The following RPGRIP1L variants were observed in gnomAD, a reference collection of about 807,000 sequenced individuals.
RPGRIP1L encodes the protein protein fantom.
A neutral mutation model predicts 160.4 loss-of-function variants in RPGRIP1L; 131 were observed. The observed-to-expected ratio is 0.82, with a 90% CI of 0.71 to 0.94. The LOEUF (loss-of-function observed/expected upper bound fraction) is 0.94, where lower values mean the gene tolerates loss of function less well. Among genes scored for constraint, RPGRIP1L ranks in the 40% least tolerant of loss-of-function variants. RPGRIP1L has a pLI of 0.00. For synonymous variants in RPGRIP1L, 510 were observed against 515.8 expected, an observed-to-expected ratio of 0.99 and a Z score of 0.15; for missense variants, 1,522 against 1,535.8, an observed-to-expected ratio of 0.99 and a Z score of 0.15.
At chr16:53,659,831 G>A (rs1319365934) in intron 10 of RPGRIP1L, 2 of 152,342 alleles carry the variant, frequency 1.3e-5, no homozygotes, top group Non-Finnish European at 2.9e-5. Context: ...AGTGAGCCAT[G>A]ATTGTGCCAC....
chr16:53,678,446 C>G (rs1202570419), intron 6 of RPGRIP1L, among the ~76,000 whole-genome samples: 1 of 152,130 alleles, frequency 6.6e-6, no homozygotes, highest in Non-Finnish European at 1.5e-5. Context: ...GAAGTAAAAA[C>G]TTTCAGCGGA....
intron 6 of RPGRIP1L, among the ~76,000 whole-genome samples, chr16:53,682,678 T>G (rs375450530): frequency 4.1e-4 from 62 of 152,312 alleles, no homozygotes; most frequent in South Asian, 2.5e-3. Flanking sequence ...TATGAATTTT[T>G]ATATTCAGAC....
At chr16:53,651,149 T>C (rs1047247026) in intron 15 of RPGRIP1L, among the ~76,000 whole-genome samples, 2 of 152,194 alleles carry the variant, frequency 1.3e-5, no homozygotes, top group Non-Finnish European at 2.9e-5. Flanking sequence ...CTTTCCCAGT[T>C]TTCCCTATCT....
chr16:53,686,075 T>A (rs927495211), intron 6 of RPGRIP1L, among the ~76,000 whole-genome samples: 7 of 152,202 alleles, frequency 4.6e-5, no homozygotes, highest in African/African-American at 1.7e-4. Context: ...GCTGGACTTA[T>A]GTACAAGATA....
intron 24 of RPGRIP1L, among the ~76,000 whole-genome samples, chr16:53,615,070 C>T (rs1006677176): frequency 6.6e-6 from 1 of 152,122 alleles, no homozygotes; most frequent in Non-Finnish European, 1.5e-5. Flanking sequence ...CTTATCTTTG[C>T]CAAATTTCTC....
At position 53,599,560 on chromosome 16, in the gene RPGRIP1L, C is replaced by T. The variant is rs942579563; in HGVS notation, c.*2516G>A. 4 of 152,212 alleles carry T rather than the reference C, an allele frequency of 2.6e-5. No individual in the cohort carries two copies. The highest frequency in any genetic ancestry group is 5.9e-5 in the Non-Finnish European group (4 of 68,042). 9.4% of individuals were successfully genotyped at this position (152,212 alleles called of 1,614,324 possible). ...ACAGCCCAAAAAAGTGCTGCGTGCA[C>T]TGGTCTAGTTACACCAAGAAGTGTA... On this transcript the variant is annotated 3_prime_UTR_variant, in exon 27 of 27. Transcript: ENST00000647211.
At chr16:53,688,240 AG>A (rs1431592413) in intron 4 of RPGRIP1L, among the ~76,000 whole-genome samples, 1 of 152,086 alleles carries the variant, frequency 6.6e-6, no homozygotes, top group East Asian at 1.9e-4. Flanking sequence ...CTTAAGATTT[AG>A]ACTCCTGCAG....
intron 12 of RPGRIP1L, 84 bp from the exon 13 acceptor site, chr16:53,657,716 A>G (rs1967387199): frequency 1.3e-6 from 1 of 762,708 alleles, no homozygotes; most frequent in East Asian, 2.7e-5. Context: ...ATCAATAAAT[A>G]ATTCATTGAT....
At chr16:53,695,725 T>G in intron 3 of RPGRIP1L, 1 of 383,404 alleles carries the variant, frequency 2.6e-6, no homozygotes, top group East Asian at 4.9e-5. Context: ...TTCCAGAGAC[T>G]GAAGTGATGT....
intron 9 of RPGRIP1L, among the ~76,000 whole-genome samples, chr16:53,666,941 T>C (rs1567858662): frequency 6.6e-6 from 1 of 152,154 alleles, no homozygotes; most frequent in African/African-American, 2.4e-5. Context: ...CACTGGAGTT[T>C]CATGAGAAAT....
intron 4 of RPGRIP1L, among the ~76,000 whole-genome samples, chr16:53,691,518 T>G (rs769321452): frequency 1.3e-5 from 2 of 152,166 alleles, no homozygotes; most frequent in African/African-American, 2.4e-5. Context: ...TTACTTTACA[T>G]GTAAAGAAAA....
At chr16:53,671,243 G>C (rs1350621894) in intron 9 of RPGRIP1L, among the ~76,000 whole-genome samples, 1 of 152,074 alleles carries the variant, frequency 6.6e-6, no homozygotes, top group Non-Finnish European at 1.5e-5. Context: ...GTGTCTGTTA[G>C]TTTATAGTTA....
intron 22 of RPGRIP1L, among the ~76,000 whole-genome samples, chr16:53,630,730 T>G (rs1052731078): frequency 6.6e-6 from 1 of 152,044 alleles, no homozygotes; most frequent in African/African-American, 2.4e-5. Flanking sequence ...TAAAATATAT[T>G]TTATTTTTAT....
rs1449022699 is a variant in RPGRIP1L, at chr16:53,605,467, A to G, written c.3835+14T>C. On this transcript the variant is annotated intron_variant, in intron 26 of 26. Transcript: ENST00000647211. ...TTGTTGGTTGCACAAACTGAGCAAC[A>G]CTTTCACCCATACCATCGATATTTT... The G allele has an allele frequency of 6.2e-7, 1 of 1,614,170 alleles. No homozygotes were observed. Among genetic ancestry groups the G allele is most frequent in the Non-Finnish European group, 8.5e-7 (1 of 1,180,008 alleles).
At chr16:53,625,460 G>A (rs1209982221) in intron 22 of RPGRIP1L, among the ~76,000 whole-genome samples, 2 of 124,486 alleles carry the variant, frequency 1.6e-5, no homozygotes, top group African/African-American at 7.0e-5. Flanking sequence ...CCCGGCAGCC[G>A]CCCCATCTGG....
Position 53,638,309 on chromosome 16 carries a change from C to G in RPGRIP1L, c.3060+1G>C. On this transcript the variant is annotated splice_donor_variant, in intron 20 of 26. Transcript: ENST00000647211. LOFTEE classifies it high-confidence loss of function. ...AAAATAATTTTAACACAAATGCATA[C>G]CTTGGGAACATGTGGAACAGTCAGC... is the stretch of plus-strand genomic sequence containing the variant. The G allele has an allele frequency of 6.6e-7, 1 of 1,515,538 alleles. No homozygotes were observed. Among genetic ancestry groups the G allele is most frequent in the Non-Finnish European group, 9.2e-7 (1 of 1,091,076 alleles). 93.9% of individuals were successfully genotyped at this position (1,515,538 alleles called of 1,614,324 possible).
chr16:53,657,970 GT>G (rs1024954429), intron 12 of RPGRIP1L, among the ~76,000 whole-genome samples: 8 of 151,904 alleles, frequency 5.3e-5, no homozygotes, highest in South Asian at 4.2e-4. Context: ...TAAAAGAAGT[GT>G]TTTTTTGTGT....
intron 6 of RPGRIP1L, among the ~76,000 whole-genome samples, chr16:53,682,126 C>T (rs1969656805): frequency 6.6e-6 from 1 of 152,110 alleles, no homozygotes; most frequent in South Asian, 2.1e-4. Flanking sequence ...ATTTCAACAA[C>T]TGTATTTCAA....
chr16:53,605,898 C>T (rs1358752410), intron 25 of RPGRIP1L, among the ~76,000 whole-genome samples: 1 of 152,174 alleles, frequency 6.6e-6, no homozygotes, highest in African/African-American at 2.4e-5. Context: ...ACCAGATGTT[C>T]ACTCAATTAC....
Sources: allele counts gnomAD v4.1 joint callset (sites outside exome capture counted in the v4.1 genomes callset), GRCh38; gene constraint gnomAD v4.1.1; transcripts MANE v1.5; gene names NCBI Gene and HGNC (gene_info 2026-07-23, HGNC 2026-07-21).